Variants in EEA1 observed in about 807,000 individuals in gnomAD.
EEA1 encodes the protein early endosome antigen 1, 162kD.
A neutral mutation model predicts 209.2 loss-of-function variants in EEA1; 111 were observed. The ratio of observed to expected loss-of-function variants is 0.53; its 90% CI spans 0.45 to 0.62. The LOEUF (loss-of-function observed/expected upper bound fraction) is 0.62, where lower values mean the gene tolerates loss of function less well. EEA1 is among the 20% of genes least tolerant of loss of function. The probability of loss-of-function intolerance (pLI) is 0.00; values close to 1 mark genes in which losing one functional copy is unlikely to be tolerated. For synonymous variants in EEA1, 536 were observed against 540.6 expected (o/e 0.99, Z 0.12); for missense variants, 1,343 against 1,530.8 (o/e 0.88, Z 2.05).
At chr12:92,844,753 T>C (rs1278711868) in intron 9 of EEA1, among the ~76,000 whole-genome samples, 2 of 152,114 alleles carry the variant, frequency 1.3e-5, no homozygotes, top group Non-Finnish European at 2.9e-5. Context: ...AAATCCCTAC[T>C]TGTAAATATC....
At chr12:92,795,599 G>A (rs1048391504) in intron 21 of EEA1, among the ~76,000 whole-genome samples, 7 of 152,186 alleles carry the variant, frequency 4.6e-5, no homozygotes, top group Admixed American at 4.6e-4. Context: ...GGCTGTAGCA[G>A]TGGAAAATGA....
chr12:92,790,385 A>T (rs1455746950), intron 21 of EEA1, among the ~76,000 whole-genome samples: 1 of 152,174 alleles, frequency 6.6e-6, no homozygotes, highest in East Asian at 1.9e-4. Flanking sequence ...AAAAACCTTG[A>T]AAAAAGGTTT....
intron 22 of EEA1, among the ~76,000 whole-genome samples, chr12:92,785,550 A>AT (rs991954299): frequency 2.0e-5 from 3 of 152,070 alleles, no homozygotes; most frequent in Non-Finnish European, 4.4e-5. Flanking sequence ...GGAATTGACT[A>AT]TTTTTTTTAA....
chr12:92,825,953 CT>C (rs1565823556), intron 13 of EEA1, among the ~76,000 whole-genome samples: 1 of 150,634 alleles, frequency 6.6e-6, no homozygotes, highest in East Asian at 1.9e-4. Context: ...GTTGGAAAAA[CT>C]TTTCAACATA....
chr12:92,923,304 C>G (rs1445136906), intron 1 of EEA1, among the ~76,000 whole-genome samples: 1 of 152,072 alleles, frequency 6.6e-6, no homozygotes, highest in Non-Finnish European at 1.5e-5. Flanking sequence ...GCCGAGATTG[C>G]GCCACTGCAC....
Position 92,893,474 on chromosome 12 carries a change from C to T in EEA1, c.25-1753G>A, listed in dbSNP as rs372586984. Among the ~76,000 whole-genome samples the T allele has an allele frequency of 9.8e-4, 149 of 152,240 alleles. 1 individual carries two copies. The highest frequency in any genetic ancestry group is 2.5e-3 in the Admixed American group (38 of 15,290). On this transcript the variant is annotated intron_variant, in intron 1 of 28. Transcript: ENST00000322349. The stretch of plus-strand genomic sequence containing the variant: ...CTCAATCACCCAAGATTCAAAACAC[C>T]TCACTACATATTTGCCTCAACATGT...
intron 1 of EEA1, among the ~76,000 whole-genome samples, chr12:92,926,081 C>T (rs1009734807): frequency 2.6e-5 from 4 of 151,578 alleles, no homozygotes; most frequent in African/African-American, 9.7e-5. Flanking sequence ...GCAATCTCCA[C>T]CTCCCGGGTT....
intron 1 of EEA1, among the ~76,000 whole-genome samples, chr12:92,921,817 G>A (rs61935348): frequency 1.6e-3 from 191 of 119,260 alleles, no homozygotes; most frequent in Non-Finnish European, 2.5e-3. Context: ...GCAGTGAGCC[G>A]AGATCACACC....
chr12:92,812,641 T>A (rs1405798649), intron 16 of EEA1, among the ~76,000 whole-genome samples: 1 of 152,046 alleles, frequency 6.6e-6, no homozygotes, highest in African/African-American at 2.4e-5. Flanking sequence ...GTCTGCCCCA[T>A]CCAATCACCA....
chr12:92,915,617 T>C (rs1457608781), intron 1 of EEA1, among the ~76,000 whole-genome samples: 1 of 152,160 alleles, frequency 6.6e-6, no homozygotes, highest in Non-Finnish European at 1.5e-5. Context: ...AATGGTAGAG[T>C]TGCAATTAAC....
intron 21 of EEA1, among the ~76,000 whole-genome samples, chr12:92,794,122 G>T (rs899657304): frequency 6.6e-6 from 1 of 152,068 alleles, no homozygotes; most frequent in Non-Finnish European, 1.5e-5. Context: ...AACAGACACA[G>T]GAAAAAATGC....
intron 2 of EEA1, among the ~76,000 whole-genome samples, chr12:92,887,732 A>G (rs1394762211): frequency 2.6e-5 from 4 of 152,206 alleles, no homozygotes. Context: ...CCAACTTAGA[A>G]TAGTTTGACT....
In EEA1 at chr12:92,792,626, G is replaced by A. The variant is rs150648712; in HGVS notation, c.2968-4577C>T. Among the ~76,000 whole-genome samples, 781 of 152,244 alleles carry A rather than the reference G, an allele frequency of 5.1e-3. 20 individuals are homozygous for A. The East Asian group carries it at 0.076, about 15-fold the overall frequency. On this transcript the variant is annotated intron_variant, in intron 21 of 28. Transcript: ENST00000322349. ...TAGACCAATAACAGGATCTGAAATT[G>A]AGGAAATAATTAATAGCCTACCAAC...
At chr12:92,929,008 C>T (rs1881322759) in intron 1 of EEA1, 35 bp downstream of exon 1, 17 of 1,578,712 alleles carry the variant, frequency 1.1e-5, no homozygotes, top group Non-Finnish European at 1.2e-5. Flanking sequence ...CTGTCCCGCT[C>T]ACGTGCTGCC....
Position 92,778,175 on chromosome 12 carries a change from G to A in EEA1, c.3659C>T (p.Ser1220Phe), listed in dbSNP as rs1009465664. 4.4e-6 allele frequency: 7 copies of A among 1,605,872 alleles called. No individual in the cohort carries two copies. The highest frequency in any genetic ancestry group is 5.9e-6 in the Non-Finnish European group (7 of 1,176,564). The change falls in exon 26 of 29, where the codon TCC (serine) becomes TTC (phenylalanine). Residue 1220 changes from serine (S) to phenylalanine (F), a missense_variant. Around this residue, in one of 3 missense-constraint regions of EEA1, gnomAD observed 1,307 missense variants for 1,465.5 expected, o/e 0.89. Coordinates refer to ENST00000322349, the MANE Select transcript of EEA1 (RefSeq NM_003566.4). ...TCCTACTTCCTTTTCTTTTATTTCG[G>A]AATGCTGAAAAAAAGGAAAAGTTGG... Reference protein sequence around the residue: ...EFIEKEAKLHSEIKEKEVGMK... With the variant: ...EFIEKEAKLHFEIKEKEVGMK...
In EEA1 at chr12:92,842,548, T is replaced by C. The variant is rs759740943; in HGVS notation, c.832A>G (p.Lys278Glu). The change falls in exon 10 of 29, where the codon AAA (lysine) becomes GAA (glutamate). Residue 278 changes from lysine to glutamate, a missense_variant. Coordinates refer to ENST00000322349, the MANE Select transcript of EEA1 (RefSeq NM_003566.4). Reference protein sequence around the residue: ...TISQLRSELAKGPQEVAVYVQ... With the variant: ...TISQLRSELAEGPQEVAVYVQ... ...TATACAGCAACTTCCTGGGGGCCTT[T>C]GGCAAGTTCACTCCTTAGCTGGCTT... The C allele has an allele frequency of 5.6e-6, 9 of 1,607,218 alleles. No homozygotes were observed. The highest frequency in any genetic ancestry group is 7.6e-6 in the Non-Finnish European group (9 of 1,177,442).
chr12:92,906,566 A>G (rs1480527557), intron 1 of EEA1, among the ~76,000 whole-genome samples: 1 of 152,110 alleles, frequency 6.6e-6, no homozygotes, highest in Non-Finnish European at 1.5e-5. Flanking sequence ...TAATTCCAGC[A>G]CTCTGGGAGG....
intron 1 of EEA1, among the ~76,000 whole-genome samples, chr12:92,927,655 G>C (rs574941583): frequency 6.6e-6 from 1 of 152,232 alleles, no homozygotes; most frequent in South Asian, 2.1e-4. Flanking sequence ...AACACAATCT[G>C]AAACATGAGG....
At chr12:92,883,698 G>A (rs750581078) in intron 2 of EEA1, 5 of 774,248 alleles carry the variant, frequency 6.5e-6, no homozygotes, top group East Asian at 2.4e-5. Flanking sequence ...AGTGAGACAC[G>A]TTCATCAGCT....
Sources: allele counts gnomAD v4.1 joint callset (sites outside exome capture counted in the v4.1 genomes callset), GRCh38; gene constraint gnomAD v4.1.1; regional missense constraint gnomAD v4.1.1; transcripts MANE v1.5; gene names NCBI Gene and HGNC (gene_info 2026-07-23, HGNC 2026-07-21).